The following SLC49A3 variants were observed in gnomAD, a reference collection of about 807,000 sequenced individuals.
The protein encoded by SLC49A3 is solute carrier family 49 member 3, also known as solute carrier family 49 member A3.
Under a neutral mutation model 43.8 loss-of-function variants are expected in SLC49A3, and 50 were observed. The ratio of observed to expected loss-of-function variants is 1.14; its 90% CI spans 0.91 to 1.45. The LOEUF is 1.45. Ranked by LOEUF, SLC49A3 falls within the 40% of genes most tolerant of loss-of-function variation. The pLI, the probability that SLC49A3 is intolerant of heterozygous loss-of-function variation, is 0.00. For missense variants in SLC49A3, 906 were observed against 774.1 expected, an observed-to-expected ratio of 1.17 and a Z score of -2.02; for synonymous variants, 413 against 352.0, an observed-to-expected ratio of 1.17 and a Z score of -1.94.
downstream of SLC49A3, chr4:680,034 GC>G: frequency 6.3e-7 from 1 of 1,583,826 alleles, no homozygotes; most frequent in Non-Finnish European, 8.6e-7. Context: ...CACCGGTGGG[GC>G]AGGCCTGGCC....
At position 683,367 on chromosome 4, in the gene SLC49A3, C is replaced by A. The variant is rs146909066; in HGVS notation, c.994G>T (p.Val332Leu). 1 of 1,607,120 alleles carries A rather than the reference C, an allele frequency of 6.2e-7. No homozygotes were observed. Among genetic ancestry groups the A allele is most frequent in the Admixed American group, 1.7e-5 (1 of 59,214 alleles). ...FSLACVPFAL[V>L]SQLQGQTLAL... ...AGGGTCTGTCCCTGCAGCTGGGACACCTGGGAGCAGCGGAACGGCAGGCAG... is the reference window on the plus strand; with the variant it reads ...AGGGTCTGTCCCTGCAGCTGGGACAACTGGGAGCAGCGGAACGGCAGGCAG... The change falls in exon 8 of 10, where the codon GTG (valine) becomes TTG (leucine). Residue 332 changes from valine (V) to leucine (L), a missense_variant and splice_region_variant. By Grantham distance (32) the Val-to-Leu change is conservative. Coordinates refer to ENST00000322224, the MANE Select transcript of SLC49A3 (RefSeq NM_032219.4).
chr4:686,666 C>G lies in SLC49A3; in HGVS notation c.160G>C (p.Ala54Pro). The G allele has an allele frequency of 1.2e-6, 2 of 1,613,102 alleles. No individual in the cohort carries two copies. Among genetic ancestry groups the G allele is most frequent in the Non-Finnish European group, 1.7e-6 (2 of 1,179,892 alleles). ...ACCAAGTCCTCAGCAATGACGTCAGCCACAGGTGCAAAGCTGAGCCACAGC... is the reference window on the plus strand; with the variant it reads ...ACCAAGTCCTCAGCAATGACGTCAGGCACAGGTGCAAAGCTGAGCCACAGC... ...ATLWLSFAPV[A>P]DVIAEDLVLS... Residue 54 changes from alanine to proline, a missense_variant, in exon 2 of 10, where the codon GCT becomes CCT. Transcript: ENST00000322224.
downstream of SLC49A3, among the ~76,000 whole-genome samples, chr4:679,453 C>T (rs897112877): frequency 4.6e-5 from 7 of 152,004 alleles, no homozygotes; most frequent in Non-Finnish European, 1.0e-4. Context: ...CAGCACAGCC[C>T]GAGTGTGGTG....
rs1277282757 is a variant in SLC49A3 at position 686,231 on chromosome 4, G to A, written c.366C>T (p.Thr122=). 13 of 1,613,430 alleles carry A rather than the reference G, an allele frequency of 8.1e-6. No individual in the cohort carries two copies. Among genetic ancestry groups the A allele is most frequent in the African/African-American group, 1.3e-5 (1 of 74,920 alleles). ...CCATGAGGAAGGCAAATGGGTTTTG[G>A]GTCCCAACAACCATGCAGGGCACCA... ...LRMVPCMVVG[T]QNPFAFLMGG... The change falls in exon 3 of 10, where the codon ACC becomes ACT. Residue 122 remains threonine (T), a synonymous_variant. Coordinates refer to ENST00000322224, the MANE Select transcript of SLC49A3 (RefSeq NM_032219.4).
downstream of SLC49A3, chr4:680,097 T>C: frequency 7.5e-7 from 1 of 1,341,090 alleles, no homozygotes; most frequent in Non-Finnish European, 1.0e-6. Flanking sequence ...CGTAAAAATC[T>C]CTCTTTTCCA....
downstream of SLC49A3, among the ~76,000 whole-genome samples, chr4:677,199 A>T (rs1738930332): frequency 6.6e-6 from 1 of 152,140 alleles, no homozygotes; most frequent in Non-Finnish European, 1.5e-5. Context: ...CTCAGCCTGT[A>T]GGCCTCCTCC....
At chr4:678,557 A>G, downstream of SLC49A3, 1 of 1,491,734 alleles carries the variant, frequency 6.7e-7, no homozygotes, top group Non-Finnish European at 8.9e-7. Context: ...CGAAGGGCTG[A>G]GGTCCACCCT....
rs1259924179 is a variant in SLC49A3 at position 686,647 on chromosome 4, T to A, written c.179A>T (p.Asp60Val). The change falls in exon 2 of 10, where the codon GAC becomes GTC. Residue 60 changes from aspartate to valine, a missense_variant. By Grantham distance (152) the Asp-to-Val change is radical (BLOSUM62 -3). Transcript: ENST00000322224. ...GATCTGCTCCATGGACAGGACCAAG[T>A]CCTCAGCAATGACGTCAGCCACAGG... ...FAPVADVIAE[D>V]LVLSMEQINW... 6 of 1,613,054 alleles carry A rather than the reference T, an allele frequency of 3.7e-6. No individual in the cohort carries two copies. In the African/African-American group the frequency reaches 6.7e-5, roughly 18 times the overall value.
At chr4:689,414 C>T (rs1741670384), upstream of SLC49A3, 1 of 254,116 alleles carries the variant, frequency 3.9e-6, no homozygotes, top group Non-Finnish European at 7.4e-6. Flanking sequence ...CCGGGAAGGG[C>T]CCCGGTCACA....
intron 6 of SLC49A3, among the ~76,000 whole-genome samples, chr4:684,025 G>A (rs1019914173): frequency 6.6e-6 from 1 of 152,228 alleles, no homozygotes; most frequent in African/African-American, 2.4e-5. Flanking sequence ...CTGTGGCCCT[G>A]GCAAAGGTGG....
intron 9 of SLC49A3, 85 bp from the exon 10 acceptor site, chr4:682,461 C>T: frequency 7.9e-7 from 1 of 1,261,196 alleles, no homozygotes; most frequent in Non-Finnish European, 1.0e-6. Context: ...ATGGTGACCC[C>T]ACTACCCTTG....
chr4:679,887 C>T (rs1177450007), downstream of SLC49A3: 2 of 1,607,370 alleles, frequency 1.2e-6, no homozygotes, highest in Non-Finnish European at 1.7e-6. Context: ...CAAGCCCTGC[C>T]CTGTGATGCC....
rs749049624 is a variant in SLC49A3 at position 682,208 on chromosome 4, C to G, written c.1430G>C (p.Gly477Ala). 2.9e-6 allele frequency: 4 copies of G among 1,374,342 alleles called. No individual in the cohort carries two copies. The highest frequency in any genetic ancestry group is 3.8e-6 in the Non-Finnish European group (4 of 1,052,732). The allele number at this position is 1,374,342 out of a possible 1,614,324, so 85.1% of individuals were successfully genotyped here. Residue 477 changes from glycine (G) to alanine (A), a missense_variant, in exon 10 of 10, where the codon GGA becomes GCA. Coordinates refer to ENST00000322224, the MANE Select transcript of SLC49A3 (RefSeq NM_032219.4). Reference sequence around the variant, plus strand: ...GCTGGGCCCCAGGACCCCAGCCCTTCCTGCTCCCCCTCGGTCCACACCCGG... The same window carrying G: ...GCTGGGCCCCAGGACCCCAGCCCTTGCTGCTCCCCCTCGGTCCACACCCGG... ...SGPGVDRGGA[G>A]RAGVLGPSTA...
chr4:688,345 A>G (rs1483308644), intron 1 of SLC49A3, among the ~76,000 whole-genome samples: 1 of 152,114 alleles, frequency 6.6e-6, no homozygotes, highest in Non-Finnish European at 1.5e-5. Flanking sequence ...CAGGCCTGAG[A>G]GTGACTCCTG....
At chr4:677,869 C>A, downstream of SLC49A3, 1 of 1,276,284 alleles carries the variant, frequency 7.8e-7, no homozygotes, top group Non-Finnish European at 1.1e-6. Context: ...GCTGCCAAAG[C>A]TCACTCTGCA....
At chr4:684,107 G>GC (rs1740480461) in intron 6 of SLC49A3, among the ~76,000 whole-genome samples, 1 of 152,230 alleles carries the variant, frequency 6.6e-6, no homozygotes, top group Admixed American at 6.5e-5. Flanking sequence ...TCGGAGATAT[G>GC]CGAGCAGAGC....
At chr4:683,541 A>G (rs1369941017) in intron 7 of SLC49A3, 68 bp downstream of exon 7, 45 of 1,544,282 alleles carry the variant, frequency 2.9e-5, no homozygotes, top group Non-Finnish European at 3.6e-5. Context: ...CAAGCCGCCA[A>G]CCGCCCTCTC....
In SLC49A3 at chr4:689,107, G is replaced by C. The variant is rs1741615294; in HGVS notation, c.21C>G (p.Ala7=). 3 of 1,426,772 alleles carry C rather than the reference G, an allele frequency of 2.1e-6. No individual in the cohort carries two copies. Among genetic ancestry groups the C allele is most frequent in the Non-Finnish European group, 2.7e-6 (3 of 1,097,906 alleles). The allele number at this position is 1,426,772 out of a possible 1,614,324, so 88.4% of individuals were successfully genotyped here. The change falls in exon 1 of 10, where the codon GCC becomes GCG. Residue 7 remains alanine (A), a synonymous_variant. Transcript: ENST00000322224. ...CCCGGGGCTCGGCCAACCCCGTCTC[G>C]GCCTCCGTCGGCCCCGCCATCGTCG... MAGPTE[A]ETGLAEPRAL...
chr4:678,389 G>T (rs570902142), downstream of SLC49A3: 3 of 1,413,704 alleles, frequency 2.1e-6, no homozygotes, highest in African/African-American at 2.9e-5. Flanking sequence ...CTGCTGGACG[G>T]CGATCCCTGA....
Sources: allele counts gnomAD v4.1 joint callset (sites outside exome capture counted in the v4.1 genomes callset), GRCh38; gene constraint gnomAD v4.1.1; transcripts MANE v1.5; gene names NCBI Gene and HGNC (gene_info 2026-07-23, HGNC 2026-07-21).